Variants in GNB1L observed in about 807,000 individuals in gnomAD.
GNB1L encodes the protein guanine nucleotide-binding protein subunit beta-like protein 1.
GNB1L carries 20 observed loss-of-function variants against 29.1 expected under a neutral mutation model. The observed-to-expected ratio is 0.69, with a 90% CI of 0.48 to 1.00. GNB1L has a LOEUF of 1.00. Ranked by LOEUF, GNB1L falls within the 50% of genes least tolerant of loss-of-function variation. The pLI, the probability that GNB1L is intolerant of heterozygous loss-of-function variation, is 0.00. For missense variants in GNB1L, 421 were observed against 464.9 expected (o/e 0.91, Z 0.87); for synonymous variants, 193 against 206.5 (o/e 0.93, Z 0.56).
intron 2 of GNB1L, chr22:19,847,766 C>A: frequency 1.1e-6 from 1 of 897,160 alleles, no homozygotes; most frequent in Non-Finnish European, 1.3e-6. Flanking sequence ...CTCCACAACT[C>A]TGGGCATCTA....
At chr22:19,793,572 C>T (rs920000522) in intron 7 of GNB1L, among the ~76,000 whole-genome samples, 1 of 152,082 alleles carries the variant, frequency 6.6e-6, no homozygotes, top group Non-Finnish European at 1.5e-5. Context: ...AGATGAAAAG[C>T]TCAGCAGAAC....
rs540451871 is a variant in GNB1L, at chr22:19,786,826, C to T, written c.*1883G>A. 1.8e-4 allele frequency: 27 copies of T among 152,464 alleles called. No individual in the cohort carries two copies. The highest frequency in any genetic ancestry group is 5.8e-4 in the African/African-American group (24 of 41,576). The allele number at this position is 152,464 out of a possible 1,614,324, so 9.4% of individuals were successfully genotyped here. On this transcript the variant is annotated 3_prime_UTR_variant, in exon 8 of 8. Transcript: ENST00000329517. The stretch of plus-strand genomic sequence containing the variant: ...CTGCAGCCTAAACCCAGGACCCTTC[C>T]CCTCCCTGACACCTCAGTGATATGA...
rs9618695 is a variant in GNB1L at position 19,792,487 on chromosome 22, G to A, written c.733-3527C>T. The A allele has an allele frequency of 6.7e-3, 10,486 of 1,570,240 alleles. 333 individuals carry two copies. In the African/African-American group the frequency reaches 0.089, roughly 13 times the overall value. ...TGGCCCCGCTATATCAGGTTGCAGC[G>A]GCAGAGAGCCATCCTCTATAAGCGG... On this transcript the variant is annotated intron_variant, in intron 7 of 7. Transcript: ENST00000329517.
chr22:19,803,333 C>G (rs985991784), intron 6 of GNB1L, among the ~76,000 whole-genome samples: 2 of 152,206 alleles, frequency 1.3e-5, no homozygotes, highest in Admixed American at 6.5e-5. Context: ...AAGAGTGAGG[C>G]TCCAGGAGGA....
intron 2 of GNB1L, among the ~76,000 whole-genome samples, chr22:19,829,122 G>A (rs1010707361): frequency 2.6e-5 from 4 of 152,172 alleles, no homozygotes; most frequent in Non-Finnish European, 4.4e-5. Flanking sequence ...ATGAGCCACC[G>A]TGCCCGGCCA....
chr22:19,818,933 C>A (rs552377314), intron 4 of GNB1L, among the ~76,000 whole-genome samples: 2 of 152,192 alleles, frequency 1.3e-5, no homozygotes, highest in Non-Finnish European at 2.9e-5. Context: ...TCCCACCATG[C>A]CCTGTCCCTC....
At chr22:19,848,890 A>T (rs1938027760) in intron 2 of GNB1L, 1 of 985,266 alleles carries the variant, frequency 1.0e-6, no homozygotes, top group Non-Finnish European at 1.2e-6. Context: ...CCTGTGGGAC[A>T]GGGTAAAGGT....
chr22:19,851,070 G>A, intron 2 of GNB1L: 1 of 1,466,834 alleles, frequency 6.8e-7, no homozygotes, highest in Non-Finnish European at 9.0e-7. Flanking sequence ...GAAGTCATCT[G>A]GGGACACCAC....
chr22:19,812,491 G>A (rs1294940551), intron 4 of GNB1L, 44 bp from the exon 5 acceptor site: 1 of 1,563,788 alleles, frequency 6.4e-7, no homozygotes, highest in East Asian at 2.3e-5. Flanking sequence ...CCCTTGACAA[G>A]TGTCAGCTCC....
rs34331843 is a variant in GNB1L at position 19,847,804 on chromosome 22, C to CAAAAAA, written c.-21+6633_-21+6638dup. 692 of 612,048 alleles carry CAAAAAA rather than the reference C, an allele frequency of 1.1e-3. 21 individuals are homozygous for CAAAAAA. The highest frequency in any genetic ancestry group is 8.5e-3 in the African/African-American group (304 of 35,714). 37.9% of individuals were successfully genotyped at this position (612,048 alleles called of 1,614,324 possible). A position where few individuals can be genotyped will look rare whatever the true frequency, so the allele number is the denominator to read the frequency against. On this transcript the variant is annotated intron_variant, in intron 2 of 7. Coordinates refer to ENST00000329517, the MANE Select transcript of GNB1L (RefSeq NM_053004.3). ...ACTTTTAAAATCCTGGAATCATAGG[C>CAAAAAA]AAAAAAAAAAAAAAAAAAAAATTCA... is the stretch of plus-strand genomic sequence containing the variant.
intron 2 of GNB1L, among the ~76,000 whole-genome samples, chr22:19,840,087 A>G (rs1004182983): frequency 6.6e-6 from 1 of 151,748 alleles, no homozygotes; most frequent in African/African-American, 2.4e-5. Context: ...GTATACTATG[A>G]TAAAAGTTAT....
intron 2 of GNB1L, chr22:19,849,385 T>TTGG: frequency 2.1e-4 from 161 of 761,932 alleles, no homozygotes; most frequent in Middle Eastern, 6.7e-4. Flanking sequence ...TTTTTTTTTT[T>TTGG]GGGATGGAGT....
chr22:19,811,890 G>A (rs1383997010), intron 5 of GNB1L, among the ~76,000 whole-genome samples: 6 of 152,000 alleles, frequency 3.9e-5, no homozygotes, highest in Non-Finnish European at 5.9e-5. Context: ...CAGCTGCCCC[G>A]GAGCGTTCCT....
intron 2 of GNB1L, among the ~76,000 whole-genome samples, chr22:19,854,213 A>G (rs1414359019): frequency 2.0e-5 from 3 of 152,126 alleles, no homozygotes; most frequent in Non-Finnish European, 4.4e-5. Flanking sequence ...GCACTATCCT[A>G]AAGGGGCAGG....
At position 19,820,611 on chromosome 22, in the gene GNB1L, G is replaced by A. The variant is rs202097453; in HGVS notation, c.241C>T (p.Arg81Cys). 18 of 1,612,406 alleles carry A rather than the reference G, an allele frequency of 1.1e-5. No individual in the cohort carries two copies. Among genetic ancestry groups the A allele is most frequent in the African/African-American group, 6.7e-5 (5 of 74,898 alleles). The part of the protein sequence containing the change: ...VTWLQTLPQG[R>C]QLLSQGRDLK... ...TTGGAGACCCACCTGAGGAGCTGGC[G>A]CCCCTGGGGCAGCGTCTGCAGCCAG... Residue 81 changes from arginine (R) to cysteine (C), a missense_variant, in exon 4 of 8, where the codon CGC becomes TGC. Coordinates refer to ENST00000329517, the MANE Select transcript of GNB1L (RefSeq NM_053004.3).
At position 19,784,045 on chromosome 22, in the gene GNB1L, A is replaced by T. The variant is rs2073762; in HGVS notation, c.*4664T>A. 6.6e-6 allele frequency: 1 copy of T among 152,252 alleles called. No individual in the cohort carries two copies. The highest frequency in any genetic ancestry group is 2.1e-4 in the South Asian group (1 of 4,834). 9.4% of individuals were successfully genotyped at this position (152,252 alleles called of 1,614,324 possible). On this transcript the variant is annotated 3_prime_UTR_variant, in exon 8 of 8. Coordinates refer to ENST00000329517, the MANE Select transcript of GNB1L (RefSeq NM_053004.3). ...GGACCACAGGGCTGGTGGGGCTGGC[A>T]GCTTGGTAGAGGGCAGGTGCACAGC... is the stretch of plus-strand genomic sequence containing the variant.
At chr22:19,840,953 C>A (rs529941293) in intron 2 of GNB1L, among the ~76,000 whole-genome samples, 8 of 152,224 alleles carry the variant, frequency 5.3e-5, no homozygotes, top group Non-Finnish European at 1.2e-4. Context: ...TTTACAAGAG[C>A]CTGACCAGTG....
chr22:19,837,476 A>T (rs7286924), intron 2 of GNB1L, among the ~76,000 whole-genome samples: 31,743 of 152,186 alleles, frequency 0.21, 3,468 homozygotes, highest in East Asian at 0.35. Flanking sequence ...GCAAATAAGG[A>T]CATGAAAACA....
At chr22:19,850,252 T>G in intron 2 of GNB1L, 1 of 985,306 alleles carries the variant, frequency 1.0e-6, no homozygotes, top group Middle Eastern at 5.2e-4. Flanking sequence ...ATCCAACACG[T>G]GTTTAATGAG....
Sources: gnomAD v4.1 joint callset for allele counts (sites outside exome capture counted in the v4.1 genomes callset) on GRCh38, gnomAD v4.1.1 for gene constraint, MANE v1.5 for transcripts, NCBI Gene and HGNC (gene_info 2026-07-23, HGNC 2026-07-21) for gene names.